Variants in NUP210 observed in about 807,000 individuals in gnomAD.
NUP210 encodes the protein nucleoporin 210.
Under a neutral mutation model 196.0 loss-of-function variants are expected in NUP210, and 151 were observed. The ratio of observed to expected loss-of-function variants is 0.77; its 90% CI spans 0.67 to 0.88. NUP210 has a LOEUF of 0.88. Among genes scored for constraint, NUP210 ranks in the 40% least tolerant of loss-of-function variants. NUP210 has a pLI of 0.00. For missense variants in NUP210, 2,314 were observed against 2,493.7 expected (o/e 0.93, Z 1.53); for synonymous variants, 1,070 against 1,052.7 (o/e 1.02, Z -0.32).
intron 16 of NUP210, among the ~76,000 whole-genome samples, chr3:13,354,968 C>G (rs1166065051): frequency 6.6e-6 from 1 of 152,202 alleles, no homozygotes; most frequent in Non-Finnish European, 1.5e-5. Context: ...GGCCACATAG[C>G]ATGGGGGCAG....
chr3:13,386,317 T>C lies in NUP210; in HGVS notation c.775A>G (p.Ile259Val), dbSNP rs558397594. 45 of 1,614,210 alleles carry C rather than the reference T, an allele frequency of 2.8e-5. No homozygotes were observed. The South Asian group carries it at 3.7e-4, about 13-fold the overall frequency. Reference protein sequence around the residue: ...YDVYLMVGTSIHYKVQKIRQG... With the variant: ...YDVYLMVGTSVHYKVQKIRQG... ...CTGATCTTCTGCACCTTGTAGTGAA[T>C]GGAGGTTCCCACCATCAGGTAGACG... Residue 259 changes from isoleucine (I) to valine (V), a missense_variant, in exon 6 of 40, where the codon ATT becomes GTT. By Grantham distance (29) the Ile-to-Val change is conservative. Transcript: ENST00000254508.
chr3:13,420,190 G>C lies in NUP210; in HGVS notation c.37C>G (p.Leu13Val). The change falls in exon 1 of 40, where the codon CTG becomes GTG. Residue 13 changes from leucine (L) to valine (V), a missense_variant. By Grantham distance (32) the Leu-to-Val change is conservative. Transcript: ENST00000254508. This position sits in a 1 kb window ranked among gnomAD's most constrained non-coding sequence, Gnocchi z 4.8. ...ARGRGLLLLT[L>V]SVLLAAGPSA... ...GGGCCCGCCGCCAACAGCACCGACA[G>C]CGTCAGCAGCAGCAGCCCCCGGCCC... 1 of 1,226,504 alleles carries C rather than the reference G, an allele frequency of 8.2e-7. No individual in the cohort carries two copies. The allele number at this position is 1,226,504 out of a possible 1,614,324, so 76.0% of individuals were successfully genotyped here.
At chr3:13,357,759 C>T (rs1340549069) in intron 16 of NUP210, among the ~76,000 whole-genome samples, 1 of 152,178 alleles carries the variant, frequency 6.6e-6, no homozygotes, top group Admixed American at 6.5e-5. Context: ...TCTCCCAACA[C>T]TTACTTTTGA....
At chr3:13,407,745 C>G (rs977717824) in intron 1 of NUP210, among the ~76,000 whole-genome samples, 1 of 152,170 alleles carries the variant, frequency 6.6e-6, no homozygotes, top group Non-Finnish European at 1.5e-5. Flanking sequence ...CTCCTATCAG[C>G]TCCCATGGCA....
intron 39 of NUP210, among the ~76,000 whole-genome samples, chr3:13,317,999 G>A (rs1327107291): frequency 6.6e-6 from 1 of 152,146 alleles, no homozygotes; most frequent in Non-Finnish European, 1.5e-5. Context: ...ACCCAGGAGC[G>A]CAGAGCCTTC....
Position 13,323,588 on chromosome 3 carries a change from T to C in NUP210, c.4645-156A>G, listed in dbSNP as rs1696627130. On this transcript the variant is annotated intron_variant, in intron 33 of 39. Transcript: ENST00000254508. The surrounding 1 kb of genome is among the most constrained non-coding windows in gnomAD (Gnocchi z 4.3). ...AAAGCCTAAACGCCTTGCTAGAATG[T>C]GGCAGAGAGGGGGTTTGAGCCCAGT... Among the ~76,000 whole-genome samples the C allele has an allele frequency of 6.6e-6, 1 of 152,226 alleles. No individual in the cohort carries two copies. Among genetic ancestry groups the C allele is most frequent in the South Asian group, 2.1e-4 (1 of 4,834 alleles).
chr3:13,335,433 G>C lies in NUP210; in HGVS notation c.3843+21C>G, dbSNP rs201927326. On this transcript the variant is annotated intron_variant, in intron 28 of 39. Transcript: ENST00000254508. ...GCACTTCCTCTCCCCCTTCCCTGTG[G>C]CCTTTCCACCTGCCTCCTACCTGGA... The C allele has an allele frequency of 9.3e-6, 15 of 1,607,296 alleles. No individual in the cohort carries two copies. In the East Asian group the frequency reaches 3.1e-4, roughly 34 times the overall value.
chr3:13,404,601 G>A (rs374399755), intron 1 of NUP210, among the ~76,000 whole-genome samples: 1 of 152,164 alleles, frequency 6.6e-6, no homozygotes, highest in Non-Finnish European at 1.5e-5. Context: ...AGGAAAACGG[G>A]ACTGGTTTAA....
intron 20 of NUP210, among the ~76,000 whole-genome samples, chr3:13,346,392 C>T (rs182108615): frequency 6.6e-6 from 1 of 152,218 alleles, no homozygotes; most frequent in Admixed American, 6.5e-5. Flanking sequence ...CTGATTGACA[C>T]ATGGGAGAAT....
rs1696565240 is a variant in NUP210, at chr3:13,322,183, T to C, written c.4915+10A>G. On this transcript the variant is annotated intron_variant, in intron 35 of 39. Coordinates refer to ENST00000254508, the MANE Select transcript of NUP210 (RefSeq NM_024923.4). Reference sequence around the variant, plus strand: ...CCAAGTCCCTTTCACTTTCAAATCCTCGCAATTACCGAGAGCAGTGTCAAA... The same window carrying C: ...CCAAGTCCCTTTCACTTTCAAATCCCCGCAATTACCGAGAGCAGTGTCAAA... The C allele has an allele frequency of 6.2e-7, 1 of 1,613,886 alleles. No individual in the cohort carries two copies. The highest frequency in any genetic ancestry group is 2.2e-5 in the East Asian group (1 of 44,888).
intron 6 of NUP210, among the ~76,000 whole-genome samples, chr3:13,381,766 C>T (rs533702389): frequency 6.6e-6 from 1 of 152,248 alleles, no homozygotes; most frequent in East Asian, 1.9e-4. Context: ...TTCTATAGGT[C>T]AGGAAGCCCA....
In NUP210 at chr3:13,354,038, C is replaced by T. The variant is rs760145540; in HGVS notation, c.2398G>A (p.Asp800Asn). ...AAYDQEGRRF[D>N]NFSSLSIQWE... ...TGGATGCTCAGAGAGCTGAAGTTGT[C>T]GAACCGGCGGCCCTCCTGGTCGTAA... The change falls in exon 17 of 40, where the codon GAC becomes AAC. Residue 800 changes from aspartate (D) to asparagine (N), a missense_variant. Transcript: ENST00000254508. The T allele has an allele frequency of 8.1e-6, 13 of 1,607,124 alleles. No individual in the cohort carries two copies. The highest frequency in any genetic ancestry group is 6.8e-5 in the Admixed American group (4 of 59,212).
At chr3:13,324,209 A>AC (rs59881887) in intron 33 of NUP210, among the ~76,000 whole-genome samples, 61,957 of 151,028 alleles carry the variant, frequency 0.41, 14,112 homozygotes, top group East Asian at 0.66. Context: ...CTAGCCTGGG[A>AC]CCCCCCAACG....
chr3:13,370,333 T>C (rs192670344), intron 13 of NUP210, among the ~76,000 whole-genome samples: 18 of 152,308 alleles, frequency 1.2e-4, no homozygotes, highest in African/African-American at 4.3e-4. Context: ...TGCATCGTGC[T>C]GAGGGATATT....
intron 20 of NUP210, among the ~76,000 whole-genome samples, chr3:13,349,242 C>A (rs1353549276): frequency 3.3e-5 from 5 of 152,244 alleles, no homozygotes; most frequent in African/African-American, 1.2e-4. Flanking sequence ...CCGCTCCATA[C>A]TGGTTCCTCC....
chr3:13,388,348 G>A lies in NUP210; in HGVS notation c.639C>T (p.Thr213=), dbSNP rs773902822. ...GDTILVSGMK[T]GSSKLKARIQ... ...TGCGAGCCTTGAGCTTGGAGCTCCC[G>A]GTCTTCATCCCAGACACCAGGATGG... The change falls in exon 5 of 40, where the codon ACC becomes ACT. Residue 213 remains threonine (T), a synonymous_variant. Transcript: ENST00000254508. The A allele has an allele frequency of 1.1e-5, 18 of 1,612,778 alleles. No homozygotes were observed. The highest frequency in any genetic ancestry group is 5.0e-5 in the Admixed American group (3 of 59,806).
rs2124842841 is a variant in NUP210, at chr3:13,330,526, T to A, written c.4044A>T (p.Thr1348=). The A allele has an allele frequency of 6.2e-7, 1 of 1,614,256 alleles. No homozygotes were observed. Among genetic ancestry groups the A allele is most frequent in the Admixed American group, 1.7e-5 (1 of 60,024 alleles). ...GFLASGSMIG[T]STIEVIAQEP... is the part of the protein sequence containing the mutation. ...CTTGTGCAATCACTTCGATGGTGGA[T>A]GTCCCGATCATAGACCCTGATGCTA... Residue 1348 remains threonine, a synonymous_variant, in exon 30 of 40, where the codon ACA becomes ACT. Coordinates refer to ENST00000254508, the MANE Select transcript of NUP210 (RefSeq NM_024923.4).
chr3:13,352,524 G>A (rs1219674729), intron 18 of NUP210, among the ~76,000 whole-genome samples: 1 of 152,244 alleles, frequency 6.6e-6, no homozygotes, highest in Non-Finnish European at 1.5e-5. Context: ...AGAGCATGTG[G>A]CCGCTGGCCA....
chr3:13,335,399 G>A, intron 28 of NUP210, 55 bp downstream of exon 28: 2 of 1,576,798 alleles, frequency 1.3e-6, no homozygotes, highest in South Asian at 1.1e-5. Flanking sequence ...AAGGAAGATT[G>A]GGCAGCTGGC....
Sources: gnomAD v4.1 joint callset for allele counts (sites outside exome capture counted in the v4.1 genomes callset) on GRCh38, gnomAD v4.1.1 for gene constraint, Gnocchi (gnomAD v3.1) non-coding constraint, MANE v1.5 for transcripts, NCBI Gene and HGNC (gene_info 2026-07-23, HGNC 2026-07-21) for gene names.